The following UTRN variants were observed in gnomAD, a reference collection of about 807,000 sequenced individuals.
The protein encoded by UTRN is dystrophin-related protein 1.
In UTRN, 283 loss-of-function variants were observed where a neutral mutation model predicts 463.9. That is an observed-to-expected ratio of 0.61 (90% confidence interval 0.55 to 0.67). UTRN has a LOEUF of 0.67. Among genes scored for constraint, UTRN ranks in the 30% least tolerant of loss-of-function variants. UTRN has a pLI of 0.00. For synonymous variants in UTRN, 1,442 were observed against 1,431.5 expected (o/e 1.01, Z -0.17); for missense variants, 3,922 against 4,084.3 (o/e 0.96, Z 1.08).
Position 144,851,786 on chromosome 6 carries a change from ATTTAT to A in UTRN, c.*795_*799del, listed in dbSNP as rs1782499580. ...CTTTTTATATAAGTAGGAATTAATTATTTATTTTATGTCTTAATCTATTTGATAAA... is the reference window on the plus strand; with the variant it reads ...CTTTTTATATAAGTAGGAATTAATTATTTATGTCTTAATCTATTTGATAAA... On this transcript the variant is annotated 3_prime_UTR_variant, in exon 75 of 75. Coordinates refer to ENST00000367545, the MANE Select transcript of UTRN (RefSeq NM_007124.3). The A allele has an allele frequency of 1.3e-5, 2 of 152,032 alleles. No homozygotes were observed. The highest frequency in any genetic ancestry group is 1.5e-5 in the Non-Finnish European group (1 of 67,990). 9.4% of individuals were successfully genotyped at this position (152,032 alleles called of 1,614,324 possible). A position where few individuals can be genotyped will look rare whatever the true frequency, so the allele number is the denominator to read the frequency against.
At chr6:144,311,579 T>C (rs2114559363) in intron 2 of UTRN, 1 of 152,372 alleles carries the variant, frequency 6.6e-6, no homozygotes, top group Admixed American at 6.5e-5. Context: ...TTAATTGATT[T>C]GTTTGTAAGG....
chr6:144,465,047 C>G (rs907772161), intron 23 of UTRN, among the ~76,000 whole-genome samples: 1 of 152,168 alleles, frequency 6.6e-6, no homozygotes, highest in African/African-American at 2.4e-5. Context: ...AGGGATGCAG[C>G]TAAACATCCC....
At chr6:144,340,817 A>G (rs1442729163) in intron 2 of UTRN, among the ~76,000 whole-genome samples, 1 of 152,228 alleles carries the variant, frequency 6.6e-6, no homozygotes, top group African/African-American at 2.4e-5. Flanking sequence ...GGGTCCTGAC[A>G]TTGCACAACA....
At chr6:144,587,545 T>C (rs1234998956) in intron 51 of UTRN, among the ~76,000 whole-genome samples, 2 of 152,198 alleles carry the variant, frequency 1.3e-5, no homozygotes, top group African/African-American at 2.4e-5. Context: ...CATCTACATG[T>C]ACAGCTCCCT....
intron 52 of UTRN, among the ~76,000 whole-genome samples, chr6:144,696,630 C>T (rs1784030835): frequency 6.6e-6 from 1 of 152,006 alleles, no homozygotes; most frequent in Non-Finnish European, 1.5e-5. Flanking sequence ...TTCATTATAA[C>T]CCAATTTATA....
intron 53 of UTRN, among the ~76,000 whole-genome samples, chr6:144,720,189 G>C (rs1262137444): frequency 6.6e-6 from 1 of 152,216 alleles, no homozygotes; most frequent in Non-Finnish European, 1.5e-5. Context: ...CCATGCTCAT[G>C]AAGAAAATGA....
chr6:144,660,954 A>G (rs1290163379), intron 51 of UTRN, among the ~76,000 whole-genome samples: 2 of 152,238 alleles, frequency 1.3e-5, no homozygotes, highest in African/African-American at 4.8e-5. Flanking sequence ...TTACATTTAT[A>G]GTTAAAACAG....
intron 2 of UTRN, among the ~76,000 whole-genome samples, chr6:144,325,531 A>G (rs548934209): frequency 2.1e-4 from 32 of 152,316 alleles, no homozygotes; most frequent in African/African-American, 7.0e-4. Flanking sequence ...AGTCTGTGGC[A>G]TTCTGTTGCA....
At chr6:144,646,409 C>T (rs1417609687) in intron 51 of UTRN, among the ~76,000 whole-genome samples, 2 of 152,076 alleles carry the variant, frequency 1.3e-5, no homozygotes, top group African/African-American at 2.4e-5. Flanking sequence ...TTACTAGGTT[C>T]CTCTGTGGCT....
intron 58 of UTRN, among the ~76,000 whole-genome samples, chr6:144,759,652 G>A (rs1792424562): frequency 6.6e-6 from 1 of 152,084 alleles, no homozygotes; most frequent in African/African-American, 2.4e-5. Flanking sequence ...TGTAATCCCA[G>A]GGGCCTTTAA....
Position 144,678,474 on chromosome 6 carries a change from G to T in UTRN, c.7548G>T (p.Met2516Ile). The change falls in exon 52 of 75, where the codon ATG becomes ATT. Residue 2516 changes from methionine to isoleucine, a missense_variant. By Grantham distance (10) the Met-to-Ile change is conservative. Transcript: ENST00000367545. ...GCATTGACGGAAACAGGCAGAAGAT[G>T]GTAAAAGCTTTGGGAAATTCTGAAG... The part of the protein sequence containing the change: ...FKSIDGNRQK[M>I]VKALGNSEEA... The T allele has an allele frequency of 6.2e-7, 1 of 1,613,344 alleles. No homozygotes were observed. Among genetic ancestry groups the T allele is most frequent in the Non-Finnish European group, 8.5e-7 (1 of 1,179,608 alleles).
intron 2 of UTRN, among the ~76,000 whole-genome samples, chr6:144,312,474 G>A (rs1041631763): frequency 6.6e-6 from 1 of 150,730 alleles, no homozygotes; most frequent in African/African-American, 2.4e-5. Flanking sequence ...AGAAATGTAA[G>A]CCGTTACCTC....
chr6:144,533,218 G>C lies in UTRN; in HGVS notation c.6191G>C (p.Arg2064Pro). Residue 2064 changes from arginine to proline, a missense_variant, in exon 43 of 75, where the codon CGC becomes CCC. This residue lies in a region of UTRN where 2,349 missense variants were observed against 2,303.8 expected (regional missense o/e 1.02). Coordinates refer to ENST00000367545, the MANE Select transcript of UTRN (RefSeq NM_007124.3). ...LKEKLAGLNQRWDAIVAEVKD... is the reference protein window; with the variant it reads ...LKEKLAGLNQPWDAIVAEVKD... Reference sequence around the variant, plus strand: ...GAAAAACTGGCAGGTTTAAACCAACGCTGGGATGCAATTGTTGCAGAAGTG... The same window carrying C: ...GAAAAACTGGCAGGTTTAAACCAACCCTGGGATGCAATTGTTGCAGAAGTG... 6.2e-7 allele frequency: 1 copy of C among 1,614,116 alleles called. No individual in the cohort carries two copies. Among genetic ancestry groups the C allele is most frequent in the South Asian group, 1.1e-5 (1 of 91,078 alleles).
intron 2 of UTRN, among the ~76,000 whole-genome samples, chr6:144,342,894 T>G (rs1777254378): frequency 6.6e-6 from 1 of 152,200 alleles, no homozygotes; most frequent in African/African-American, 2.4e-5. Context: ...TCACTGTGCT[T>G]TTCCCGGTCT....
At chr6:144,492,551 G>A (rs2128579965) in intron 32 of UTRN, among the ~76,000 whole-genome samples, 1 of 152,286 alleles carries the variant, frequency 6.6e-6, no homozygotes, top group Middle Eastern at 3.4e-3. Flanking sequence ...TAGGATTTCT[G>A]GGTTGAATAA....
chr6:144,523,911 T>A (rs1373265974), intron 41 of UTRN, among the ~76,000 whole-genome samples: 2 of 152,194 alleles, frequency 1.3e-5, no homozygotes, highest in Non-Finnish European at 2.9e-5. Context: ...CTTTTGAGCC[T>A]TCTTACTAGA....
At chr6:144,590,264 A>G (rs2128631342) in intron 51 of UTRN, among the ~76,000 whole-genome samples, 1 of 152,310 alleles carries the variant, frequency 6.6e-6, no homozygotes, top group East Asian at 1.9e-4. Flanking sequence ...AAAGATTTTT[A>G]AAAATGAGTT....
At chr6:144,669,650 T>C (rs1464585768) in intron 51 of UTRN, among the ~76,000 whole-genome samples, 2 of 152,164 alleles carry the variant, frequency 1.3e-5, no homozygotes, top group East Asian at 1.9e-4. Flanking sequence ...ATAAATTCTT[T>C]AGTGATGATT....
chr6:144,564,124 C>T lies in UTRN; in HGVS notation c.7289+6813C>T, dbSNP rs545118357. ...CAACCATAAATACACCTCATTCCTG[C>T]TCCCAGGAAGCTGACATTGCATAGG... On this transcript the variant is annotated intron_variant, in intron 50 of 74. Transcript: ENST00000367545. Among the ~76,000 whole-genome samples the T allele has an allele frequency of 5.9e-5, 9 of 152,288 alleles. No homozygotes were observed. The South Asian group carries it at 1.9e-3, about 32-fold the overall frequency.
Sources: gnomAD v4.1 joint callset for allele counts (sites outside exome capture counted in the v4.1 genomes callset) on GRCh38, gnomAD v4.1.1 for gene constraint, gnomAD v4.1.1 regional missense constraint, MANE v1.5 for transcripts, NCBI Gene and HGNC (gene_info 2026-07-23, HGNC 2026-07-21) for gene names.